Variants in FUNDC2 observed in about 807,000 individuals in gnomAD.
The protein encoded by FUNDC2 is FUN14 domain-containing protein 2.
In FUNDC2, 4 loss-of-function variants were observed where a neutral mutation model predicts 15.6. That is an observed-to-expected ratio of 0.26 (90% CI 0.13 to 0.59). The LOEUF is 0.59. Among genes scored for constraint, FUNDC2 ranks in the 20% least tolerant of loss-of-function variants. FUNDC2 has a pLI of 0.90. For missense variants in FUNDC2, 98 were observed against 149.7 expected (o/e 0.65, Z 1.80); for synonymous variants, 44 against 56.9 (o/e 0.77, Z 1.02).
chrX:155,041,072 G>A (rs1370246246), intron 2 of FUNDC2, among the ~76,000 whole-genome samples: 1 of 111,249 alleles, frequency 9.0e-6, no homozygotes, highest in Non-Finnish European at 1.9e-5. Context: ...TTGTTGCTTA[G>A]ATCAAATATT....
intron 2 of FUNDC2, 88 bp from the exon 3 acceptor site, chrX:155,046,421 C>A: frequency 1.2e-6 from 1 of 831,111 alleles, no homozygotes; most frequent in Non-Finnish European, 1.8e-6. Flanking sequence ...TCATCTTAAG[C>A]TAAGTAAGAT....
intron 2 of FUNDC2, among the ~76,000 whole-genome samples, chrX:155,044,068 A>G (rs1400919115): frequency 1.8e-5 from 2 of 112,090 alleles, no homozygotes; most frequent in Non-Finnish European, 3.8e-5. Context: ...AGGGGTCAGC[A>G]AAGTTTTTCT....
At position 155,059,189 on chromosome X, in the gene FUNDC2, G is replaced by A. The variant is rs1209180926; in HGVS notation, c.*4517G>A. On this transcript the variant is annotated 3_prime_UTR_variant, in exon 5 of 5. Coordinates refer to ENST00000369498, the MANE Select transcript of FUNDC2 (RefSeq NM_023934.4). ...AGTTTTGCTGTTAACTCCTTAAGAGGGCTTTAAAGCCTTTTATATTAAGTG... is the reference window on the plus strand; with the variant it reads ...AGTTTTGCTGTTAACTCCTTAAGAGAGCTTTAAAGCCTTTTATATTAAGTG... 2 of 112,188 alleles carry A rather than the reference G, an allele frequency of 1.8e-5. No individual in the cohort carries two copies. Among genetic ancestry groups the A allele is most frequent in the African/African-American group, 3.2e-5 (1 of 30,828 alleles). 9.2% of individuals were successfully genotyped at this position (112,188 alleles called of 1,213,427 possible).
rs1287442396 is a variant in FUNDC2 at position 155,057,926 on chromosome X, AATGTGTATCCTC to A, written c.*3257_*3268del. Reference sequence around the variant, plus strand: ...GTCCAATGTTTCAGTCTCCCCCAAGAATGTGTATCCTCATTGCTGACACGGGAGCTGGGTGCG... The same window carrying A: ...GTCCAATGTTTCAGTCTCCCCCAAGAATTGCTGACACGGGAGCTGGGTGCG... On this transcript the variant is annotated 3_prime_UTR_variant, in exon 5 of 5. Coordinates refer to ENST00000369498, the MANE Select transcript of FUNDC2 (RefSeq NM_023934.4). 9.0e-6 allele frequency: 1 copy of A among 111,417 alleles called. No individual in the cohort carries two copies. The highest frequency in any genetic ancestry group is 3.3e-5 in the African/African-American group (1 of 30,555). The allele number at this position is 111,417 out of a possible 1,213,427, so 9.2% of individuals were successfully genotyped here. A position where few individuals can be genotyped will look rare whatever the true frequency, so the allele number is the denominator to read the frequency against.
Position 155,058,870 on chromosome X carries a change from C to A in FUNDC2, c.*4198C>A, listed in dbSNP as rs2073917972. ...CGCACTTTTTCACATTTTTATAAAG[C>A]TTTAAAGTCAGTTTACTGACTTTTC... On this transcript the variant is annotated 3_prime_UTR_variant, in exon 5 of 5. Transcript: ENST00000369498. 1 of 110,726 alleles carries A rather than the reference C, an allele frequency of 9.0e-6. No individual in the cohort carries two copies. The highest frequency in any genetic ancestry group is 1.9e-5 in the Non-Finnish European group (1 of 52,883). The allele number at this position is 110,726 out of a possible 1,213,427, so 9.1% of individuals were successfully genotyped here. A position where few individuals can be genotyped will look rare whatever the true frequency, so the allele number is the denominator to read the frequency against.
chrX:155,051,486 A>G (rs1245896751), intron 3 of FUNDC2, 184 bp from the exon 4 acceptor site: 1 of 442,475 alleles, frequency 2.3e-6, no homozygotes, highest in East Asian at 3.9e-5. Flanking sequence ...AGTGCCAGGC[A>G]TATGGCTTCG....
intron 4 of FUNDC2, chrX:155,054,033 A>T (rs1557290667): frequency 1.3e-6 from 1 of 750,986 alleles, no homozygotes; most frequent in Non-Finnish European, 1.6e-6. Context: ...TTAAGGAAAT[A>T]AGAACGTCAC....
intron 3 of FUNDC2, among the ~76,000 whole-genome samples, chrX:155,047,639 G>A (rs2073866792): frequency 9.0e-6 from 1 of 111,126 alleles, no homozygotes; most frequent in Non-Finnish European, 1.9e-5. Context: ...TTACAGGCCA[G>A]ATGATCAGAG....
At chrX:155,032,632 A>T (rs2073819427) in intron 1 of FUNDC2, among the ~76,000 whole-genome samples, 1 of 110,666 alleles carries the variant, frequency 9.0e-6, no homozygotes, top group African/African-American at 3.3e-5. Context: ...TATTCTGTGG[A>T]TTAATTAGAT....
intron 2 of FUNDC2, among the ~76,000 whole-genome samples, chrX:155,041,086 A>T (rs1416585664): frequency 8.9e-6 from 1 of 111,743 alleles, no homozygotes; most frequent in Non-Finnish European, 1.9e-5. Flanking sequence ...AAATATTTTC[A>T]ATTCCATTTT....
At chrX:155,051,866 T>C (rs2073880561) in intron 4 of FUNDC2, 65 bp downstream of exon 4, 3 of 1,087,205 alleles carry the variant, frequency 2.8e-6, no homozygotes, top group Non-Finnish European at 3.8e-6. Flanking sequence ...CTTAACCCTA[T>C]TGTACCATAT....
chrX:155,034,775 T>C (rs1404959468), intron 2 of FUNDC2, among the ~76,000 whole-genome samples: 2 of 112,139 alleles, frequency 1.8e-5, no homozygotes, highest in Non-Finnish European at 3.8e-5. Context: ...AGTTAGGTAG[T>C]AGTATTTCAT....
intron 1 of FUNDC2, among the ~76,000 whole-genome samples, chrX:155,028,656 A>G (rs782211004): frequency 9.0e-6 from 1 of 111,679 alleles, no homozygotes; most frequent in South Asian, 3.7e-4. Flanking sequence ...ACACAAATAT[A>G]TAGTAGTTCT....
In FUNDC2 at chrX:155,054,442, AGTGT is replaced by A. The variant is rs2073887703; in HGVS notation, c.493-152_493-149del. ...TTTAATTATTATTAAATAGACTATT[AGTGT>A]AAGTCCATTGCCCTTTGGGTAAAGT... On this transcript the variant is annotated intron_variant, in intron 4 of 4. Coordinates refer to ENST00000369498, the MANE Select transcript of FUNDC2 (RefSeq NM_023934.4). 31 of 747,308 alleles carry A rather than the reference AGTGT, an allele frequency of 4.1e-5. No individual in the cohort carries two copies. The Admixed American group carries it at 2.6e-3, about 62-fold the overall frequency. 61.6% of individuals were successfully genotyped at this position (747,308 alleles called of 1,213,427 possible). A position where few individuals can be genotyped will look rare whatever the true frequency, so the allele number is the denominator to read the frequency against.
At chrX:155,027,125 C>G in intron 1 of FUNDC2, 54 bp downstream of exon 1, 2 of 1,048,638 alleles carry the variant, frequency 1.9e-6, no homozygotes, top group Non-Finnish European at 2.5e-6. Flanking sequence ...TTCCTGGGCT[C>G]CGGAAGGGGA....
chrX:155,037,265 A>G, intron 2 of FUNDC2, among the ~76,000 whole-genome samples: 1 of 111,611 alleles, frequency 9.0e-6, no homozygotes, highest in Non-Finnish European at 1.9e-5. Context: ...GATCTTGTAT[A>G]TTGTAGTCTT....
intron 3 of FUNDC2, chrX:155,047,499 T>C (rs2073866303): frequency 2.7e-5 from 9 of 334,848 alleles, no homozygotes; most frequent in South Asian, 2.4e-4. Context: ...CTGGGTTGAG[T>C]GTGGTATTGC....
chrX:155,047,308 C>G (rs782699404), intron 3 of FUNDC2: 1 of 340,729 alleles, frequency 2.9e-6, no homozygotes, highest in South Asian at 2.6e-5. Flanking sequence ...GCTGTGGGAG[C>G]CATAACTTGC....
At chrX:155,045,631 G>GTTTCATT (rs1569560211) in intron 2 of FUNDC2, among the ~76,000 whole-genome samples, 1 of 111,660 alleles carries the variant, frequency 9.0e-6, no homozygotes, top group African/African-American at 3.3e-5. Flanking sequence ...TGAAGTCATG[G>GTTTCATT]GACAAAAGCC....
Sources: allele counts gnomAD v4.1 joint callset (sites outside exome capture counted in the v4.1 genomes callset), GRCh38; gene constraint gnomAD v4.1.1; transcripts MANE v1.5; gene names NCBI Gene and HGNC (gene_info 2026-07-23, HGNC 2026-07-21).